RGMA: variants seen among roughly 807,000 people sequenced by gnomAD.
The protein encoded by RGMA is repulsive guidance molecule A.
In RGMA, 10 loss-of-function variants were observed where a neutral mutation model predicts 23.2. The observed-to-expected ratio is 0.43, with a 90% CI of 0.27 to 0.73. The LOEUF is 0.73. Ranked by LOEUF, RGMA falls within the 30% of genes least tolerant of loss-of-function variation. The pLI is 0.20. For synonymous variants in RGMA, 308 were observed against 279.3 expected, an observed-to-expected ratio of 1.10 and a Z score of -1.03; for missense variants, 547 against 630.5, an observed-to-expected ratio of 0.87 and a Z score of 1.42.
chr15:93,045,664 C>T lies in RGMA; in HGVS notation c.687G>A (p.Gln229=). ...IFKNFQECVD[Q]KVYQAEMDEL... Reference sequence around the variant, plus strand: ...CGTCCATCTCAGCCTGGTACACCTTCTGGTCCACACACTCCTGGAAGTTCT... The same window carrying T: ...CGTCCATCTCAGCCTGGTACACCTTTTGGTCCACACACTCCTGGAAGTTCT... Residue 229 remains glutamine, a synonymous_variant, in exon 4 of 4, where the codon CAG becomes CAA. Coordinates refer to ENST00000329082, the MANE Select transcript of RGMA (RefSeq NM_020211.3). This position sits in a 1 kb window ranked among gnomAD's most constrained non-coding sequence, Gnocchi z 6.9. 1 of 1,608,208 alleles carries T rather than the reference C, an allele frequency of 6.2e-7. No individual in the cohort carries two copies. Among genetic ancestry groups the T allele is most frequent in the Non-Finnish European group, 8.5e-7 (1 of 1,179,880 alleles).
intron 1 of RGMA, among the ~76,000 whole-genome samples, chr15:93,073,349 G>A (rs956205433): frequency 6.6e-6 from 1 of 151,938 alleles, no homozygotes; most frequent in Admixed American, 6.5e-5. Flanking sequence ...AGCGCTCGCC[G>A]TGAGGACCTC....
At chr15:93,060,799 C>T (rs1211970203) in intron 2 of RGMA, among the ~76,000 whole-genome samples, 4 of 152,260 alleles carry the variant, frequency 2.6e-5, no homozygotes, top group Non-Finnish European at 2.9e-5. Flanking sequence ...AGCACTCCTG[C>T]CGGGGCAGGG....
At chr15:93,065,956 G>A in intron 2 of RGMA, 1 of 860,108 alleles carries the variant, frequency 1.2e-6, no homozygotes. Context: ...GAAGAAGGGT[G>A]GGGGGCGCCG....
intron 2 of RGMA, among the ~76,000 whole-genome samples, chr15:93,053,886 C>G (rs1567183174): frequency 6.6e-6 from 1 of 152,164 alleles, no homozygotes. Context: ...TAAGTGAACA[C>G]TTTGTCTTTT....
chr15:93,066,127 T>C lies in RGMA; in HGVS notation c.130+6789A>G, dbSNP rs769774187. ...TAGGTTGGGGGCATAACAGCTGCCC[T>C]TCACGGGCACCTCCCCGGGCCCAGT... On this transcript the variant is annotated intron_variant, in intron 2 of 3. Transcript: ENST00000329082. 1.2e-5 allele frequency: 17 copies of C among 1,364,398 alleles called. No individual in the cohort carries two copies. The South Asian group carries it at 2.0e-4, about 16-fold the overall frequency. 84.5% of individuals were successfully genotyped at this position (1,364,398 alleles called of 1,614,324 possible).
chr15:93,050,309 C>T lies in RGMA; in HGVS notation c.645+1684G>A, dbSNP rs185815433. Among the ~76,000 whole-genome samples, 521 of 152,300 alleles carry T rather than the reference C, an allele frequency of 3.4e-3. 2 individuals are homozygous for T. Among genetic ancestry groups the T allele is most frequent in the African/African-American group, 0.012 (486 of 41,570 alleles). ...GAGTAACGGAGGCCTGACAGACAGG[C>T]GGGGGCAGGCCAAAGGTGCCTGAAG... On this transcript the variant is annotated intron_variant, in intron 3 of 3. Transcript: ENST00000329082.
intron 3 of RGMA, among the ~76,000 whole-genome samples, chr15:93,047,177 C>T (rs995150790): frequency 5.9e-5 from 9 of 152,174 alleles, no homozygotes; most frequent in South Asian, 2.1e-4. Flanking sequence ...GGAGGAGGGC[C>T]GGTGGCCAGG....
At chr15:93,057,048 G>A (rs2055026277) in intron 2 of RGMA, among the ~76,000 whole-genome samples, 1 of 152,146 alleles carries the variant, frequency 6.6e-6, no homozygotes, top group Admixed American at 6.5e-5. Context: ...TCCTTCCCCG[G>A]GGTAGGCCCT....
intron 1 of RGMA, among the ~76,000 whole-genome samples, chr15:93,077,723 G>C (rs998979898): frequency 6.6e-6 from 1 of 152,208 alleles, no homozygotes; most frequent in Non-Finnish European, 1.5e-5. Flanking sequence ...CATAGTGTGT[G>C]TGTGTGACAG....
intron 2 of RGMA, among the ~76,000 whole-genome samples, chr15:93,068,852 G>A (rs1895235661): frequency 6.6e-6 from 1 of 152,210 alleles, no homozygotes; most frequent in South Asian, 2.1e-4. Flanking sequence ...ACCCCACAGA[G>A]TGCCCTCACT....
At chr15:93,062,084 G>C (rs1435232641) in intron 2 of RGMA, among the ~76,000 whole-genome samples, 3 of 151,934 alleles carry the variant, frequency 2.0e-5, no homozygotes, top group Non-Finnish European at 4.4e-5. Flanking sequence ...GTGAGCCGGA[G>C]AGGGAAAAGA....
At chr15:93,073,579 C>G (rs933637659) in intron 1 of RGMA, 30 of 1,533,550 alleles carry the variant, frequency 2.0e-5, no homozygotes, top group Non-Finnish European at 2.4e-5. Flanking sequence ...AACCAGACTG[C>G]CGACCCCAAG....
chr15:93,064,669 G>A (rs546040662), intron 2 of RGMA, among the ~76,000 whole-genome samples: 6 of 152,330 alleles, frequency 3.9e-5, no homozygotes, highest in East Asian at 1.9e-4. Flanking sequence ...CACTGTAATC[G>A]GGTATTCTGC....
chr15:93,084,309 C>G (rs933825414), intron 1 of RGMA, among the ~76,000 whole-genome samples: 2 of 152,184 alleles, frequency 1.3e-5, no homozygotes, highest in African/African-American at 4.8e-5. Context: ...GAGCAAGCCT[C>G]TTTTGGATGA....
At chr15:93,074,037 T>G in intron 1 of RGMA, 7 of 1,364,710 alleles carry the variant, frequency 5.1e-6, no homozygotes, top group Non-Finnish European at 6.6e-6. Context: ...AAACATCTCC[T>G]TCCCAAGGTT....
chr15:93,086,397 T>C (rs1221512635), intron 1 of RGMA, among the ~76,000 whole-genome samples: 1 of 152,254 alleles, frequency 6.6e-6, no homozygotes. Context: ...GGCAGGCTTC[T>C]TGATGGATCG....
intron 2 of RGMA, among the ~76,000 whole-genome samples, chr15:93,054,852 G>A (rs916846843): frequency 2.0e-5 from 3 of 152,138 alleles, no homozygotes; most frequent in African/African-American, 7.2e-5. Flanking sequence ...CTGTCTTCAC[G>A]TCTCCTTAAC....
At chr15:93,076,317 G>A (rs1342932269) in intron 1 of RGMA, among the ~76,000 whole-genome samples, 1 of 152,138 alleles carries the variant, frequency 6.6e-6, no homozygotes, top group Non-Finnish European at 1.5e-5. Flanking sequence ...GGGGTCAAGG[G>A]GCTTCTGAAA....
chr15:93,050,239 C>T lies in RGMA; in HGVS notation c.645+1754G>A, dbSNP rs182242109. Among the ~76,000 whole-genome samples, 61 of 152,314 alleles carry T rather than the reference C, an allele frequency of 4.0e-4. 1 individual carries two copies. Among genetic ancestry groups the T allele is most frequent in the Admixed American group, 3.1e-3 (48 of 15,302 alleles). On this transcript the variant is annotated intron_variant, in intron 3 of 3. Coordinates refer to ENST00000329082, the MANE Select transcript of RGMA (RefSeq NM_020211.3). Reference sequence around the variant, plus strand: ...AGCTCAGAGGCTGGCACAGATGCAACGTCTGTTAAGTGTTTGCTCCATCAA... The same window carrying T: ...AGCTCAGAGGCTGGCACAGATGCAATGTCTGTTAAGTGTTTGCTCCATCAA...
Sources: allele counts gnomAD v4.1 joint callset (sites outside exome capture counted in the v4.1 genomes callset), GRCh38; gene constraint gnomAD v4.1.1; non-coding constraint Gnocchi (gnomAD v3.1); transcripts MANE v1.5; gene names NCBI Gene and HGNC (gene_info 2026-07-23, HGNC 2026-07-21).